Variants in TTC28 observed in about 807,000 individuals in gnomAD.
TTC28 encodes tetratricopeptide repeat protein 28.
A neutral mutation model predicts 198.0 loss-of-function variants in TTC28; 61 were observed. The observed-to-expected ratio is 0.31, with a 90% CI of 0.25 to 0.38. The LOEUF (loss-of-function observed/expected upper bound fraction) is 0.38, where lower values mean the gene tolerates loss of function less well. TTC28 is among the 10% of genes least tolerant of loss of function. The pLI is 1.00. For missense variants in TTC28, 2,678 were observed against 3,164.0 expected (o/e 0.85, Z 3.69); for synonymous variants, 1,171 against 1,297.8 (o/e 0.90, Z 2.10).
intron 2 of TTC28, among the ~76,000 whole-genome samples, chr22:28,315,700 G>A (rs1321748526): frequency 6.6e-6 from 1 of 152,046 alleles, no homozygotes; most frequent in African/African-American, 2.4e-5. Context: ...TCATAGTTGT[G>A]TGGGTCTATT....
chr22:28,462,368 G>C (rs1171071703), intron 2 of TTC28, among the ~76,000 whole-genome samples: 1 of 152,160 alleles, frequency 6.6e-6, no homozygotes, highest in Non-Finnish European at 1.5e-5. Flanking sequence ...GGATCTCTCA[G>C]ATAAGGGTGA....
At chr22:28,516,162 T>C (rs542407717) in intron 2 of TTC28, among the ~76,000 whole-genome samples, 88 of 150,860 alleles carry the variant, frequency 5.8e-4, no homozygotes, top group African/African-American at 2.1e-3. Context: ...AAAAAAAAGC[T>C]GAGTGAATTC....
chr22:28,355,766 T>G (rs1029726791), intron 2 of TTC28, among the ~76,000 whole-genome samples: 2 of 152,174 alleles, frequency 1.3e-5, no homozygotes, highest in Admixed American at 6.5e-5. Context: ...TGGCTGAGTA[T>G]TCAAAAGCCC....
At chr22:28,294,081 CA>C (rs1411030487) in intron 5 of TTC28, among the ~76,000 whole-genome samples, 2 of 152,280 alleles carry the variant, frequency 1.3e-5, no homozygotes, top group African/African-American at 4.8e-5. Flanking sequence ...AAATTCTCCT[CA>C]GGGGGAATTT....
intron 2 of TTC28, among the ~76,000 whole-genome samples, chr22:28,316,671 C>T (rs1206173373): frequency 6.6e-6 from 1 of 152,072 alleles, no homozygotes; most frequent in Non-Finnish European, 1.5e-5. Flanking sequence ...TATTTTGTTA[C>T]ACTTACATCT....
At chr22:28,467,947 C>T (rs1192272812) in intron 2 of TTC28, among the ~76,000 whole-genome samples, 7 of 149,930 alleles carry the variant, frequency 4.7e-5, no homozygotes, top group African/African-American at 1.2e-4. Flanking sequence ...TTTTTTTTTT[C>T]TTTCGTAAAG....
At chr22:28,637,470 T>A (rs4638900) in intron 1 of TTC28, among the ~76,000 whole-genome samples, 1 of 152,160 alleles carries the variant, frequency 6.6e-6, no homozygotes, top group African/African-American at 2.4e-5. Flanking sequence ...TAGACTGCTA[T>A]AACTATGTTT....
In TTC28 at chr22:28,081,080, C is replaced by T. The variant is rs74714467; in HGVS notation, c.3932+13000G>A. The stretch of plus-strand genomic sequence containing the variant: ...TGTCAGTATCATATTGTTTTGATAA[C>T]CGTAACATAGAAATACACATATGTA... On this transcript the variant is annotated intron_variant, in intron 12 of 22. Transcript: ENST00000397906. Among the ~76,000 whole-genome samples the T allele has an allele frequency of 3.3e-5, 5 of 151,342 alleles. No homozygotes were observed. The East Asian group carries it at 9.7e-4, about 29-fold the overall frequency.
At chr22:28,220,867 G>A (rs1210118686) in intron 5 of TTC28, among the ~76,000 whole-genome samples, 1 of 152,042 alleles carries the variant, frequency 6.6e-6, no homozygotes, top group South Asian at 2.1e-4. Context: ...GTAGAGAATA[G>A]GAAAAATTTG....
intron 2 of TTC28, among the ~76,000 whole-genome samples, chr22:28,408,611 G>C (rs1162861154): frequency 6.6e-6 from 1 of 152,168 alleles, no homozygotes; most frequent in Non-Finnish European, 1.5e-5. Context: ...GGCTGGTCTT[G>C]AACTCCTGAC....
chr22:28,590,432 A>G (rs2050407602), intron 2 of TTC28, among the ~76,000 whole-genome samples: 1 of 152,030 alleles, frequency 6.6e-6, no homozygotes, highest in Non-Finnish European at 1.5e-5. Context: ...CCCAGCCTCC[A>G]ATTTCTAAAT....
At chr22:28,137,681 T>A (rs2146979194) in intron 6 of TTC28, among the ~76,000 whole-genome samples, 1 of 151,790 alleles carries the variant, frequency 6.6e-6, no homozygotes, top group East Asian at 2.0e-4. Context: ...GCCTCAGAAG[T>A]CATATAATAT....
At chr22:28,154,974 C>G (rs1176861740) in intron 6 of TTC28, among the ~76,000 whole-genome samples, 1 of 152,098 alleles carries the variant, frequency 6.6e-6, no homozygotes, top group Non-Finnish European at 1.5e-5. Context: ...ATCTCATTTT[C>G]CTTGGCTTCT....
At position 28,021,052 on chromosome 22, in the gene TTC28, G is replaced by T. The variant is rs539216451; in HGVS notation, c.4074-6660C>A. Among the ~76,000 whole-genome samples, 110 of 152,320 alleles carry T rather than the reference G, an allele frequency of 7.2e-4. 1 individual carries two copies. Among genetic ancestry groups the T allele is most frequent in the African/African-American group, 2.2e-3 (92 of 41,566 alleles). Reference sequence around the variant, plus strand: ...GGCATTGAGGAATCAGGTCTCCCACGTGAAGAACACAGCACTGCCTCCTTG... The same window carrying T: ...GGCATTGAGGAATCAGGTCTCCCACTTGAAGAACACAGCACTGCCTCCTTG... On this transcript the variant is annotated intron_variant, in intron 13 of 22. Coordinates refer to ENST00000397906, the MANE Select transcript of TTC28 (RefSeq NM_001145418.2).
At chr22:28,324,696 A>C (rs998881381) in intron 2 of TTC28, among the ~76,000 whole-genome samples, 26 of 152,204 alleles carry the variant, frequency 1.7e-4, no homozygotes, top group Non-Finnish European at 2.2e-4. Context: ...AACACCCTTC[A>C]TGTTAAAAAC....
At chr22:28,087,833 G>T (rs113949098) in intron 12 of TTC28, among the ~76,000 whole-genome samples, 6 of 151,852 alleles carry the variant, frequency 4.0e-5, no homozygotes, top group Non-Finnish European at 8.8e-5. Context: ...ACAAAATCAA[G>T]GTACAAAAAT....
intron 1 of TTC28, among the ~76,000 whole-genome samples, chr22:28,638,254 T>C (rs1338860417): frequency 6.6e-6 from 1 of 152,036 alleles, no homozygotes; most frequent in Admixed American, 6.6e-5. Flanking sequence ...GAATATAAAT[T>C]CTATTATAAA....
At chr22:28,101,303 A>C in intron 8 of TTC28, 23 bp from the exon 9 acceptor site, 2 of 1,524,070 alleles carry the variant, frequency 1.3e-6, no homozygotes, top group Non-Finnish European at 1.8e-6. Flanking sequence ...AGAGAAATTT[A>C]AGGAAACATA....
intron 2 of TTC28, among the ~76,000 whole-genome samples, chr22:28,466,620 C>T (rs777721557): frequency 1.3e-5 from 2 of 152,096 alleles, no homozygotes; most frequent in Non-Finnish European, 2.9e-5. Flanking sequence ...CTCTAATTTG[C>T]TCATATAAAT....
Sources: allele counts gnomAD v4.1 joint callset (sites outside exome capture counted in the v4.1 genomes callset), GRCh38; gene constraint gnomAD v4.1.1; transcripts MANE v1.5; gene names NCBI Gene and HGNC (gene_info 2026-07-23, HGNC 2026-07-21).